Variants in FHIT observed in about 807,000 individuals in gnomAD.
FHIT encodes bis(5'-adenosyl)-triphosphatase.
FHIT carries 19 observed loss-of-function variants against 17.9 expected under a neutral mutation model. That is an observed-to-expected ratio of 1.06 (90% CI 0.74 to 1.56). The LOEUF is 1.56. FHIT is among the 40% of genes most tolerant of loss of function. FHIT has a pLI of 0.00. For missense variants in FHIT, 248 were observed against 189.2 expected (o/e 1.31, Z -1.82); for synonymous variants, 81 against 69.7 (o/e 1.16, Z -0.81).
intron 3 of FHIT, among the ~76,000 whole-genome samples, chr3:60,918,436 A>G (rs1016141152): frequency 6.6e-6 from 1 of 152,256 alleles, no homozygotes; most frequent in African/African-American, 2.4e-5. Context: ...AAAAACTTGC[A>G]TATAATTTGG....
At chr3:60,266,920 C>T (rs1341443561) in intron 5 of FHIT, among the ~76,000 whole-genome samples, 4 of 152,010 alleles carry the variant, frequency 2.6e-5, no homozygotes, top group Non-Finnish European at 4.4e-5. Context: ...ATTATTACAT[C>T]CAGAGAAATC....
intron 8 of FHIT, among the ~76,000 whole-genome samples, chr3:59,770,464 G>A (rs768413690): frequency 7.2e-5 from 11 of 152,190 alleles, no homozygotes; most frequent in Non-Finnish European, 1.2e-4. Flanking sequence ...GAGATTAAGT[G>A]AAGATGAAGG....
At chr3:60,184,770 A>G (rs190321820) in intron 5 of FHIT, among the ~76,000 whole-genome samples, 2 of 152,124 alleles carry the variant, frequency 1.3e-5, no homozygotes, top group African/African-American at 4.8e-5. Flanking sequence ...GAATTCTGCT[A>G]AACAGATTTT....
chr3:60,225,667 G>A (rs532323299), intron 5 of FHIT, among the ~76,000 whole-genome samples: 2 of 152,262 alleles, frequency 1.3e-5, no homozygotes, highest in East Asian at 3.9e-4. Flanking sequence ...AGGCTGTTCT[G>A]TTAAATACCA....
intron 7 of FHIT, among the ~76,000 whole-genome samples, chr3:59,960,776 T>C (rs377633274): frequency 6.6e-6 from 1 of 152,232 alleles, no homozygotes; most frequent in East Asian, 1.9e-4. Context: ...ACACTTCCCT[T>C]GGTTCTAATT....
At position 60,701,737 on chromosome 3, in the gene FHIT, T is replaced by C. The variant is rs74936461; in HGVS notation, c.-18+120182A>G. Reference sequence around the variant, plus strand: ...ATCTCGCAGCCTCCAGCTGCATGACTCCTAAACCATAATTTCTAATCTTGT... The same window carrying C: ...ATCTCGCAGCCTCCAGCTGCATGACCCCTAAACCATAATTTCTAATCTTGT... On this transcript the variant is annotated intron_variant, in intron 4 of 9. Coordinates refer to ENST00000492590, the MANE Select transcript of FHIT (RefSeq NM_002012.4). Among the ~76,000 whole-genome samples, 83 of 152,308 alleles carry C rather than the reference T, an allele frequency of 5.4e-4. 1 individual carries two copies. The East Asian group carries it at 0.015, about 27-fold the overall frequency.
chr3:60,009,817 C>A (rs2106673705), intron 7 of FHIT, among the ~76,000 whole-genome samples: 1 of 152,304 alleles, frequency 6.6e-6, no homozygotes. Context: ...CAGTCCCTGG[C>A]AACCACTAAT....
At chr3:60,841,600 A>G (rs1553745060) in intron 3 of FHIT, among the ~76,000 whole-genome samples, 1 of 152,234 alleles carries the variant, frequency 6.6e-6, no homozygotes, top group Non-Finnish European at 1.5e-5. Context: ...TTTTACTGTC[A>G]GAAACCTGGT....
chr3:59,754,521 T>A (rs945692359), intron 8 of FHIT, among the ~76,000 whole-genome samples: 3 of 152,166 alleles, frequency 2.0e-5, no homozygotes, highest in Non-Finnish European at 2.9e-5. Context: ...AACAATTCAA[T>A]AGGATGACAA....
chr3:60,266,540 A>G (rs1466221046), intron 5 of FHIT, among the ~76,000 whole-genome samples: 1 of 152,132 alleles, frequency 6.6e-6, no homozygotes. Flanking sequence ...TAAATGGGTG[A>G]ATGGTATGCT....
intron 8 of FHIT, among the ~76,000 whole-genome samples, chr3:59,828,850 T>TG (rs1299187927): frequency 6.6e-6 from 1 of 151,186 alleles, no homozygotes; most frequent in African/African-American, 2.4e-5. Context: ...ACTCTCTCTG[T>TG]GTGTGTGTGT....
intron 5 of FHIT, among the ~76,000 whole-genome samples, chr3:60,159,515 G>T (rs1373377931): frequency 6.6e-6 from 1 of 152,042 alleles, no homozygotes; most frequent in Admixed American, 6.6e-5. Flanking sequence ...ATTATAAGGG[G>T]GTAGAAAGGA....
At chr3:60,187,452 C>A (rs760364337) in intron 5 of FHIT, among the ~76,000 whole-genome samples, 1 of 152,116 alleles carries the variant, frequency 6.6e-6, no homozygotes, top group African/African-American at 2.4e-5. Flanking sequence ...CTGGTGCCCT[C>A]GGAAGCCTTC....
At position 59,890,180 on chromosome 3, in the gene FHIT, G is replaced by A. The variant is rs114524753; in HGVS notation, c.348+32166C>T. 1.3e-3 allele frequency among the ~76,000 whole-genome samples: 195 copies of A among 152,110 alleles called. 1 individual carries two copies. Among genetic ancestry groups the A allele is most frequent in the African/African-American group, 4.6e-3 (191 of 41,500 alleles). On this transcript the variant is annotated intron_variant, in intron 8 of 9. Transcript: ENST00000492590. Reference sequence around the variant, plus strand: ...TTCCAAGTACGAAATTAACTTCTTTGAGAGGATAAAGCCTGCAGGGCTCTG... The same window carrying A: ...TTCCAAGTACGAAATTAACTTCTTTAAGAGGATAAAGCCTGCAGGGCTCTG...
At chr3:59,945,264 CTAA>C (rs1396573910) in intron 7 of FHIT, among the ~76,000 whole-genome samples, 1 of 152,148 alleles carries the variant, frequency 6.6e-6, no homozygotes, top group African/African-American at 2.4e-5. Context: ...TTGCATTTCT[CTAA>C]TGATTAGTGA....
At chr3:60,232,868 T>C (rs1298192097) in intron 5 of FHIT, among the ~76,000 whole-genome samples, 1 of 152,222 alleles carries the variant, frequency 6.6e-6, no homozygotes, top group African/African-American at 2.4e-5. Flanking sequence ...TGCGTACAAC[T>C]CCAAATGAGA....
At chr3:60,180,624 C>T (rs911304525) in intron 5 of FHIT, among the ~76,000 whole-genome samples, 3 of 152,098 alleles carry the variant, frequency 2.0e-5, no homozygotes, top group African/African-American at 7.2e-5. Context: ...ATAAAATGTA[C>T]ATTTTATATT....
chr3:60,367,444 C>T (rs558994099), intron 5 of FHIT, among the ~76,000 whole-genome samples: 2 of 152,256 alleles, frequency 1.3e-5, no homozygotes, highest in East Asian at 3.9e-4. Flanking sequence ...TAATTTTGCT[C>T]CTTTCTAAAG....
chr3:60,044,597 G>C (rs529531766), intron 5 of FHIT, among the ~76,000 whole-genome samples: 26 of 151,632 alleles, frequency 1.7e-4, no homozygotes, highest in African/African-American at 5.3e-4. Flanking sequence ...CATGGTAAAG[G>C]CCTGTAGAAA....
Sources: gnomAD v4.1 joint callset for allele counts (sites outside exome capture counted in the v4.1 genomes callset) on GRCh38, gnomAD v4.1.1 for gene constraint, MANE v1.5 for transcripts, NCBI Gene and HGNC (gene_info 2026-07-23, HGNC 2026-07-21) for gene names.